The following POLR3A variants were observed in gnomAD, a reference collection of about 807,000 sequenced individuals.
POLR3A encodes the protein DNA-directed RNA polymerase III subunit RPC1.
Under a neutral mutation model 152.8 loss-of-function variants are expected in POLR3A, and 112 were observed. That is an observed-to-expected ratio of 0.73 (90% confidence interval 0.63 to 0.86). POLR3A has a LOEUF of 0.86. POLR3A is among the 40% of genes least tolerant of loss of function. The pLI is 0.00. For missense variants in POLR3A, 1,385 were observed against 1,743.1 expected, an observed-to-expected ratio of 0.79 and a Z score of 3.66; for synonymous variants, 615 against 652.1, an observed-to-expected ratio of 0.94 and a Z score of 0.87.
chr10:77,985,163 C>T lies in POLR3A; in HGVS notation c.3242+7G>A, dbSNP rs749297075. 6 of 1,612,032 alleles carry T rather than the reference C, an allele frequency of 3.7e-6. No individual in the cohort carries two copies. The East Asian group carries it at 1.1e-4, about 30-fold the overall frequency. On this transcript the variant is annotated splice_region_variant and intron_variant, in intron 24 of 30. Transcript: ENST00000372371. ...GTGTGGAACAAGAAGGAAATGAAAGCAGGCACCTGATGGCCTTGGAAGCGT... is the reference window on the plus strand; with the variant it reads ...GTGTGGAACAAGAAGGAAATGAAAGTAGGCACCTGATGGCCTTGGAAGCGT...
intron 5 of POLR3A, among the ~76,000 whole-genome samples, chr10:78,022,671 A>AT (rs1423432367): frequency 1.3e-5 from 2 of 152,158 alleles, no homozygotes; most frequent in East Asian, 1.9e-4. Context: ...GTTTTTTGTT[A>AT]TTTTTTATCC....
At position 78,025,711 on chromosome 10, in the gene POLR3A, C is replaced by A. The variant is rs137870981; in HGVS notation, c.229G>T (p.Ala77Ser). 6.2e-6 allele frequency: 10 copies of A among 1,613,956 alleles called. No homozygotes were observed. The African/African-American group carries it at 1.2e-4, about 19-fold the overall frequency. Residue 77 changes from alanine (A) to serine (S), a missense_variant, in exon 3 of 31, where the codon GCT (alanine) becomes TCT (serine). Ala to Ser is a moderately conservative substitution (Grantham distance 99). This residue lies in a region of POLR3A where 493 missense variants were observed against 647.5 expected (regional missense o/e 0.76). Transcript: ENST00000372371. ...RPCETCGKNL[A>S]DCLGHYGYID... ...TACCCATAGTGGCCTAGACAGTCAG[C>A]CAAGTTTTTCCCACAGGTTTCACAT... is the stretch of plus-strand genomic sequence containing the variant.
rs985847723 is a variant in POLR3A, at chr10:77,979,681, G to A, written c.4024+460C>T. On this transcript the variant is annotated intron_variant, in intron 30 of 30. Transcript: ENST00000372371. ...AATATCCACACCCCACGGGTGGGTA[G>A]AGATACTTGACACATATGATGCCTG... is the stretch of plus-strand genomic sequence containing the variant. 3.3e-5 allele frequency among the ~76,000 whole-genome samples: 5 copies of A among 152,218 alleles called. No homozygotes were observed. The East Asian group carries it at 9.6e-4, about 29-fold the overall frequency.
At chr10:78,029,264 C>A in intron 1 of POLR3A, 100 bp downstream of exon 1, 2 of 1,195,394 alleles carry the variant, frequency 1.7e-6, no homozygotes, top group South Asian at 1.2e-5. Flanking sequence ...CCCTCCCCTT[C>A]CCATTGCACC....
chr10:78,007,422 A>G (rs1230568036), intron 15 of POLR3A, among the ~76,000 whole-genome samples: 1 of 152,220 alleles, frequency 6.6e-6, no homozygotes, highest in Non-Finnish European at 1.5e-5. Flanking sequence ...GCAGCCCATC[A>G]AGGATGGTTT....
chr10:77,999,747 G>C (rs183011791), intron 19 of POLR3A, among the ~76,000 whole-genome samples: 209 of 152,244 alleles, frequency 1.4e-3, no homozygotes, highest in Non-Finnish European at 2.7e-3. Flanking sequence ...CTCTAACAGC[G>C]CTTTGCTATG....
At chr10:78,001,697 G>T (rs117476685) in intron 17 of POLR3A, among the ~76,000 whole-genome samples, 1,575 of 152,274 alleles carry the variant, frequency 0.01, 10 homozygotes, top group Non-Finnish European at 0.017. Flanking sequence ...AAAATCCCTG[G>T]CTTTCTTCTG....
chr10:78,003,162 A>C (rs1847373602), intron 16 of POLR3A, among the ~76,000 whole-genome samples: 4 of 152,188 alleles, frequency 2.6e-5, no homozygotes, highest in Admixed American at 2.6e-4. Flanking sequence ...ATCAGTTACA[A>C]GTCTGGTTCC....
Position 78,029,496 on chromosome 10 carries a change from C to T in POLR3A, c.-89G>A. On this transcript the variant is annotated 5_prime_UTR_variant, in exon 1 of 31. Transcript: ENST00000372371. ...AGCACCTCCTGGGGCTGCTTCTGGA[C>T]TCGCCGCTAACACATCTGCGGCATC... 7.3e-7 allele frequency: 1 copy of T among 1,363,734 alleles called. No homozygotes were observed. Among genetic ancestry groups the T allele is most frequent in the South Asian group, 1.2e-5 (1 of 85,414 alleles). 84.5% of individuals were successfully genotyped at this position (1,363,734 alleles called of 1,614,324 possible).
intron 20 of POLR3A, 87 bp from the exon 21 acceptor site, chr10:77,991,254 G>T: frequency 1.3e-6 from 1 of 792,674 alleles, no homozygotes; most frequent in South Asian, 1.4e-5. Context: ...AGGATAAAAT[G>T]ACCTTACCCA....
intron 14 of POLR3A, among the ~76,000 whole-genome samples, chr10:78,008,276 T>A (rs946499861): frequency 2.2e-4 from 34 of 152,176 alleles, no homozygotes; most frequent in African/African-American, 8.0e-4. Context: ...AAAGGTACCA[T>A]CATGTACAGC....
intron 11 of POLR3A, among the ~76,000 whole-genome samples, chr10:78,012,411 T>C (rs1847475383): frequency 6.6e-6 from 1 of 151,068 alleles, no homozygotes; most frequent in African/African-American, 2.4e-5. Context: ...AAAAAAAATC[T>C]AAACGTATAG....
chr10:78,028,775 T>C (rs188495053), intron 1 of POLR3A, among the ~76,000 whole-genome samples: 49 of 152,124 alleles, frequency 3.2e-4, no homozygotes, highest in Admixed American at 1.0e-3. Flanking sequence ...AGTGCTGGGA[T>C]TACAGGAGTA....
At chr10:78,018,878 G>A (rs1421095725) in intron 9 of POLR3A, among the ~76,000 whole-genome samples, 2 of 152,138 alleles carry the variant, frequency 1.3e-5, no homozygotes, top group Admixed American at 6.5e-5. Flanking sequence ...GAGCCACCAA[G>A]CCCAGCAATA....
At chr10:77,982,589 C>T in intron 27 of POLR3A, 64 bp downstream of exon 27, 1 of 1,478,334 alleles carries the variant, frequency 6.8e-7, no homozygotes, top group Non-Finnish European at 9.4e-7. Flanking sequence ...CCCTTAGGTC[C>T]CAGCCCTGGG....
chr10:78,012,860 T>C (rs1847479992), intron 11 of POLR3A, among the ~76,000 whole-genome samples: 1 of 152,178 alleles, frequency 6.6e-6, no homozygotes, highest in East Asian at 1.9e-4. Context: ...TAGCTGGGAC[T>C]ACAGGCGTGC....
Position 78,007,825 on chromosome 10 carries a change from C to A in POLR3A, c.1951G>T (p.Asp651Tyr), listed in dbSNP as rs1322462900. 1 of 1,613,788 alleles carries A rather than the reference C, an allele frequency of 6.2e-7. No individual in the cohort carries two copies. Among genetic ancestry groups the A allele is most frequent in the Admixed American group, 1.7e-5 (1 of 60,004 alleles). ...GATCCTGACCCTAGGGTTCCTTTGT[C>A]CATGCTGCCACTCATCAACTCACTG... Reference protein sequence around the residue: ...QNSELMSGSMDKGTLGSGSKN... With the variant: ...QNSELMSGSMYKGTLGSGSKN... Residue 651 changes from aspartate to tyrosine, a missense_variant, in exon 15 of 31, where the codon GAC (aspartate) becomes TAC (tyrosine). By Grantham distance (160) the Asp-to-Tyr change is radical. Coordinates refer to ENST00000372371, the MANE Select transcript of POLR3A (RefSeq NM_007055.4).
rs185287675 is a variant in POLR3A, at chr10:77,986,052, C to T, written c.2988+21G>A. The T allele has an allele frequency of 3.4e-4, 541 of 1,585,566 alleles. 3 individuals are homozygous for T. The highest frequency in any genetic ancestry group is 8.9e-4 in the African/African-American group (66 of 74,334). ...AACTACAAACAGCTCGGGGTTCTAA[C>T]GCGTCTTGGAGGGATATTACCTCTG... On this transcript the variant is annotated intron_variant, in intron 22 of 30. Transcript: ENST00000372371.
At chr10:78,002,964 A>G (rs1021063735) in intron 16 of POLR3A, among the ~76,000 whole-genome samples, 4 of 152,254 alleles carry the variant, frequency 2.6e-5, no homozygotes, top group African/African-American at 4.8e-5. Flanking sequence ...ATACAAATAT[A>G]TAAGATAATA....
Sources: allele counts gnomAD v4.1 joint callset (sites outside exome capture counted in the v4.1 genomes callset), GRCh38; gene constraint gnomAD v4.1.1; regional missense constraint gnomAD v4.1.1; transcripts MANE v1.5; gene names NCBI Gene and HGNC (gene_info 2026-07-23, HGNC 2026-07-21).